The following DCDC2C variants were observed in gnomAD, a reference collection of about 807,000 sequenced individuals.
DCDC2C encodes the protein doublecortin domain containing 2C.
DCDC2C carries 44 observed loss-of-function variants against 45.0 expected under a neutral mutation model. The observed-to-expected ratio is 0.98, with a 90% CI of 0.77 to 1.26. The LOEUF is 1.26. Among genes scored for constraint, DCDC2C ranks in the 50% most tolerant of loss-of-function variants. The pLI is 0.00. For synonymous variants in DCDC2C, 187 were observed against 178.8 expected (o/e 1.05, Z -0.37); for missense variants, 447 against 468.9 (o/e 0.95, Z 0.43).
intron 10 of DCDC2C, among the ~76,000 whole-genome samples, chr2:3,820,622 G>A (rs1316716661): frequency 2.6e-5 from 4 of 152,158 alleles, no homozygotes; most frequent in East Asian, 1.9e-4. Flanking sequence ...GTCCGTGACC[G>A]GTGCCGGAGT....
Position 3,813,067 on chromosome 2 carries a change from ATTTTTTTTT to A in DCDC2C, c.1065+27972_1065+27980del, listed in dbSNP as rs869244524. Among the ~76,000 whole-genome samples, 62 of 29,174 alleles carry A rather than the reference ATTTTTTTTT, an allele frequency of 2.1e-3. 1 individual carries two copies. The highest frequency in any genetic ancestry group is 3.1e-3 in the Non-Finnish European group (49 of 16,032). 19.1% of individuals were successfully genotyped at this position (29,174 alleles called of 152,430 possible). On this transcript the variant is annotated intron_variant, in intron 10 of 10. Coordinates refer to ENST00000399143, the MANE Select transcript of DCDC2C (RefSeq NM_001287444.2). ...TATATATATATATATATATATATAT[ATTTTTTTTT>A]TTTTGCTGTTTTTGAGATGGAATCT...
In DCDC2C at chr2:3,845,614, G is replaced by A. The variant is rs116308675; in HGVS notation, c.1066-1540G>A. ...CATTTGTAATCAAATAGGAACCATT[G>A]CCATCTCATCCTGAGCAATTTTTAG... On this transcript the variant is annotated intron_variant, in intron 10 of 10. Coordinates refer to ENST00000399143, the MANE Select transcript of DCDC2C (RefSeq NM_001287444.2). Among the ~76,000 whole-genome samples, 1,330 of 152,352 alleles carry A rather than the reference G, an allele frequency of 8.7e-3. 19 individuals carry two copies. The highest frequency in any genetic ancestry group is 0.029 in the African/African-American group (1,200 of 41,590).
Position 3,769,335 on chromosome 2 carries a change from C to A in DCDC2C, c.878C>A (p.Thr293Asn). ...GAEGDVYKAPTPSKETQGALD... is the reference protein window; with the variant it reads ...GAEGDVYKAPNPSKETQGALD... ...GAAGGTGACGTGTATAAAGCACCGA[C>A]TCCTAGCAAGGAAACCCAAGGGGCG... The change falls in exon 8 of 11, where the codon ACT (threonine) becomes AAT (asparagine). Residue 293 changes from threonine (T) to asparagine (N), a missense_variant. Transcript: ENST00000399143. 6.4e-7 allele frequency: 1 copy of A among 1,550,580 alleles called. No individual in the cohort carries two copies. Among genetic ancestry groups the A allele is most frequent in the Non-Finnish European group, 8.7e-7 (1 of 1,146,962 alleles).
At chr2:3,806,372 G>C (rs6706842) in intron 10 of DCDC2C, among the ~76,000 whole-genome samples, 106,556 of 152,068 alleles carry the variant, frequency 0.7, 37,517 homozygotes, top group East Asian at 0.91. Flanking sequence ...GTTTCTGACA[G>C]GTGACTTCTG....
chr2:3,728,212 G>T lies in DCDC2C; in HGVS notation c.416+1133G>T, dbSNP rs114176510. ...ATCCTCAGGCTGGGAACGAGAAAGA[G>T]GAAGGAAATGTGGCCGAGAATTCGC... On this transcript the variant is annotated intron_variant, in intron 3 of 10. Coordinates refer to ENST00000399143, the MANE Select transcript of DCDC2C (RefSeq NM_001287444.2). Among the ~76,000 whole-genome samples, 1,256 of 152,298 alleles carry T rather than the reference G, an allele frequency of 8.2e-3. 22 individuals are homozygous for T. Among genetic ancestry groups the T allele is most frequent in the African/African-American group, 0.026 (1,073 of 41,542 alleles).
intron 10 of DCDC2C, among the ~76,000 whole-genome samples, chr2:3,840,217 G>T (rs1672180209): frequency 6.6e-6 from 1 of 152,164 alleles, no homozygotes; most frequent in Non-Finnish European, 1.5e-5. Flanking sequence ...CAGCTGCTGT[G>T]TAAGCCGAGC....
chr2:3,725,444 G>T (rs1363769425), intron 2 of DCDC2C, among the ~76,000 whole-genome samples: 4 of 102,008 alleles, frequency 3.9e-5, no homozygotes, highest in African/African-American at 1.3e-4. Context: ...AGAGGAAGAC[G>T]AGCAGAGAGG....
intron 3 of DCDC2C, among the ~76,000 whole-genome samples, chr2:3,731,371 C>A (rs1250072510): frequency 1.3e-5 from 2 of 152,220 alleles, no homozygotes; most frequent in African/African-American, 4.8e-5. Flanking sequence ...AAGGTCAGCA[C>A]TGGCCACGTG....
chr2:3,818,466 G>A lies in DCDC2C; in HGVS notation c.1066-28688G>A, dbSNP rs1191743892. Among the ~76,000 whole-genome samples, 7 of 152,170 alleles carry A rather than the reference G, an allele frequency of 4.6e-5. No homozygotes were observed. Among genetic ancestry groups the A allele is most frequent in the African/African-American group, 1.7e-4 (7 of 41,420 alleles). Reference sequence around the variant, plus strand: ...TATATGGCTTTGGCACCACGGGGTGGATAGGCAAGACAATTTGGTTGATAA... The same window carrying A: ...TATATGGCTTTGGCACCACGGGGTGAATAGGCAAGACAATTTGGTTGATAA... On this transcript the variant is annotated intron_variant, in intron 10 of 10. Transcript: ENST00000399143. This position sits in a 1 kb window ranked among gnomAD's most constrained non-coding sequence, Gnocchi z 4.7.
intron 8 of DCDC2C, among the ~76,000 whole-genome samples, chr2:3,771,367 G>A (rs1280645926): frequency 2.0e-5 from 3 of 152,172 alleles, no homozygotes; most frequent in Non-Finnish European, 4.4e-5. Flanking sequence ...AATCAACAGA[G>A]GCAAGGCATG....
intron 2 of DCDC2C, among the ~76,000 whole-genome samples, chr2:3,716,213 A>G (rs1443576911): frequency 1.3e-5 from 2 of 152,206 alleles, no homozygotes; most frequent in African/African-American, 2.4e-5. Context: ...CAGTGTGGGC[A>G]GAACAAAGGG....
chr2:3,841,130 G>A (rs1295030291), intron 10 of DCDC2C, among the ~76,000 whole-genome samples: 1 of 152,122 alleles, frequency 6.6e-6, no homozygotes, highest in Non-Finnish European at 1.5e-5. Flanking sequence ...ATAATATTTT[G>A]TAAAGAAAAG....
chr2:3,779,934 G>C (rs10191326), intron 9 of DCDC2C, among the ~76,000 whole-genome samples: 31,383 of 152,060 alleles, frequency 0.21, 3,475 homozygotes, highest in South Asian at 0.36. Flanking sequence ...GAAGGGATAT[G>C]GGTCCTCAGG....
chr2:3,800,898 C>T (rs140486993), intron 10 of DCDC2C, among the ~76,000 whole-genome samples: 37 of 152,238 alleles, frequency 2.4e-4, no homozygotes, highest in African/African-American at 5.3e-4. Flanking sequence ...GTTTTTGTAG[C>T]GTCAATGCAA....
intron 6 of DCDC2C, among the ~76,000 whole-genome samples, chr2:3,758,716 T>G (rs955616844): frequency 2.6e-5 from 4 of 152,018 alleles, no homozygotes; most frequent in African/African-American, 9.7e-5. Flanking sequence ...GCTGCACAGG[T>G]CTTGGGCTGG....
intron 10 of DCDC2C, among the ~76,000 whole-genome samples, chr2:3,842,872 C>T (rs1672249505): frequency 6.6e-6 from 1 of 152,126 alleles, no homozygotes; most frequent in Non-Finnish European, 1.5e-5. Context: ...CCAGCCATCT[C>T]AGCCCAGAAG....
intron 1 of DCDC2C, among the ~76,000 whole-genome samples, chr2:3,707,645 G>A (rs749279510): frequency 1.3e-5 from 2 of 152,222 alleles, no homozygotes; most frequent in Non-Finnish European, 2.9e-5. Context: ...GTAGCTGCGT[G>A]CATCTCCGCT....
intron 2 of DCDC2C, among the ~76,000 whole-genome samples, chr2:3,724,448 C>T (rs909968806): frequency 2.0e-5 from 3 of 152,140 alleles, no homozygotes; most frequent in African/African-American, 7.2e-5. Context: ...CCTTCAGGGA[C>T]AGAAGACCCA....
chr2:3,715,916 G>A (rs1313189501), intron 2 of DCDC2C, among the ~76,000 whole-genome samples: 4 of 152,194 alleles, frequency 2.6e-5, no homozygotes, highest in African/African-American at 9.7e-5. Context: ...TTGATTTTAG[G>A]ATGACCAGGT....
Sources: allele counts gnomAD v4.1 joint callset (sites outside exome capture counted in the v4.1 genomes callset), GRCh38; gene constraint gnomAD v4.1.1; non-coding constraint Gnocchi (gnomAD v3.1); transcripts MANE v1.5; gene names NCBI Gene and HGNC (gene_info 2026-07-23, HGNC 2026-07-21).